The following CRYBG3 variants were observed in gnomAD, a reference collection of about 807,000 sequenced individuals.
CRYBG3 encodes the protein very large A-kinase anchor protein.
In CRYBG3, 127 loss-of-function variants were observed where a neutral mutation model predicts 244.2. That is an observed-to-expected ratio of 0.52 (90% CI 0.45 to 0.60). The LOEUF (loss-of-function observed/expected upper bound fraction) is 0.60, where lower values mean the gene tolerates loss of function less well. Ranked by LOEUF, CRYBG3 falls within the 20% of genes least tolerant of loss-of-function variation. CRYBG3 has a pLI of 0.00. For synonymous variants in CRYBG3, 1,132 were observed against 1,195.8 expected (o/e 0.95, Z 1.10); for missense variants, 3,325 against 3,442.5 (o/e 0.97, Z 0.85).
intron 1 of CRYBG3, among the ~76,000 whole-genome samples, chr3:97,841,288 G>A (rs989005740): frequency 1.3e-4 from 18 of 142,992 alleles, no homozygotes; most frequent in African/African-American, 3.4e-4. Context: ...ATATAGGTGC[G>A]TACACCTATA....
chr3:97,891,107 A>G (rs831899), intron 10 of CRYBG3, among the ~76,000 whole-genome samples: 110,168 of 152,068 alleles, frequency 0.72, 41,502 homozygotes, highest in East Asian at 0.85. Flanking sequence ...AGCAGTTAGC[A>G]TTGTAAGAAA....
rs182548810 is a variant in CRYBG3, at chr3:97,863,579, C to T, written c.217-638C>T. Among the ~76,000 whole-genome samples the T allele has an allele frequency of 8.1e-4, 123 of 152,168 alleles. 1 individual carries two copies. In the East Asian group the frequency reaches 0.022, roughly 28 times the overall value. The stretch of plus-strand genomic sequence containing the variant: ...AAGTACCATGTTACTGTCTTTTCCT[C>T]ATCTTCTTGAATAATGTTTCATATT... On this transcript the variant is annotated intron_variant, in intron 2 of 21. Transcript: ENST00000389622.
intron 15 of CRYBG3, 32 bp from the exon 16 acceptor site, chr3:97,912,135 T>C: frequency 1.7e-6 from 2 of 1,199,830 alleles, no homozygotes; most frequent in Non-Finnish European, 2.4e-6. Flanking sequence ...CCATTTTTTT[T>C]CTATTTAACT....
At chr3:97,904,063 A>G (rs759069506) in intron 15 of CRYBG3, among the ~76,000 whole-genome samples, 98 of 152,268 alleles carry the variant, frequency 6.4e-4, no homozygotes, top group Non-Finnish European at 1.2e-3. Context: ...GGTAGCCAAC[A>G]TGGTCATTTA....
rs544621044 is a variant in CRYBG3 at position 97,881,731 on chromosome 3, A to G, written c.7152+512A>G. Among the ~76,000 whole-genome samples, 44 of 152,060 alleles carry G rather than the reference A, an allele frequency of 2.9e-4. No individual in the cohort carries two copies. In the East Asian group the frequency reaches 6.4e-3, roughly 22 times the overall value. ...ATTCAGTCTCAAAAAGTAATAATAA[A>G]TAAACATATAAAATGTTACATGATG... On this transcript the variant is annotated intron_variant, in intron 7 of 21. Transcript: ENST00000389622.
At chr3:97,827,302 T>C (rs1364377596) in intron 1 of CRYBG3, among the ~76,000 whole-genome samples, 1 of 152,194 alleles carries the variant, frequency 6.6e-6, no homozygotes, top group Non-Finnish European at 1.5e-5. Context: ...TTAAAGGACT[T>C]ATTAGTAACA....
chr3:97,887,285 T>A (rs1012687716), intron 8 of CRYBG3, among the ~76,000 whole-genome samples: 1 of 152,186 alleles, frequency 6.6e-6, no homozygotes, highest in Non-Finnish European at 1.5e-5. Flanking sequence ...TGGGTCTAAG[T>A]TCAGTCTTAG....
chr3:97,943,154 C>A, intron 21 of CRYBG3, 72 bp from the exon 22 acceptor site: 1 of 817,900 alleles, frequency 1.2e-6, no homozygotes, highest in Non-Finnish European at 2.0e-6. Flanking sequence ...TGAACAGAAG[C>A]TTGTGAAAAT....
At chr3:97,871,819 A>G (rs1395522932) in intron 3 of CRYBG3, 23 bp from the exon 4 acceptor site, 2 of 1,433,306 alleles carry the variant, frequency 1.4e-6, no homozygotes, top group African/African-American at 1.4e-5. Context: ...ATTTCCTGAT[A>G]CTCTCATGCT....
rs1176415121 is a variant in CRYBG3, at chr3:97,877,707, T to C, written c.6513T>C (p.Val2171=). Residue 2171 remains valine, a synonymous_variant, in exon 4 of 22, where the codon GTT becomes GTC. Transcript: ENST00000389622. ...TGAGAGCTGGAAGTGGGGAGCGTGT[T>C]ACCTTCCAGTTGCCAGATCCTTCCA... The part of the protein sequence containing the change: ...GDLRAGSGER[V]TFQLPDPSIT... The C allele has an allele frequency of 2.5e-6, 4 of 1,614,052 alleles. No individual in the cohort carries two copies. The highest frequency in any genetic ancestry group is 2.2e-5 in the East Asian group (1 of 44,868).
intron 1 of CRYBG3, among the ~76,000 whole-genome samples, chr3:97,829,982 G>T (rs1341015230): frequency 6.6e-6 from 1 of 152,104 alleles, no homozygotes; most frequent in South Asian, 2.1e-4. Flanking sequence ...ATGTTTTTCT[G>T]TTCTTGGTTT....
chr3:97,835,718 G>T (rs1263470126), intron 1 of CRYBG3, among the ~76,000 whole-genome samples: 3 of 152,028 alleles, frequency 2.0e-5, no homozygotes, highest in Non-Finnish European at 4.4e-5. Context: ...GATTTCAGTT[G>T]GGGGGGAGGT....
In CRYBG3 at chr3:97,880,924, T is replaced by C. The variant is rs1049520584; in HGVS notation, c.7005-148T>C. 4 of 540,846 alleles carry C rather than the reference T, an allele frequency of 7.4e-6. No homozygotes were observed. In the Admixed American group the frequency reaches 1.5e-4, roughly 21 times the overall value. The allele number at this position is 540,846 out of a possible 1,614,324, so 33.5% of individuals were successfully genotyped here. ...GTTCGCCTGTACTTAAATTAGCATA[T>C]ATCATTGTTTCAAAAAATAGGGTTA... On this transcript the variant is annotated intron_variant, in intron 6 of 21. Transcript: ENST00000389622.
chr3:97,832,669 C>G (rs1215732734), intron 1 of CRYBG3, among the ~76,000 whole-genome samples: 2 of 152,080 alleles, frequency 1.3e-5, no homozygotes, highest in Non-Finnish European at 2.9e-5. Flanking sequence ...ACAAAGACTT[C>G]CTGACTAAAA....
intron 2 of CRYBG3, among the ~76,000 whole-genome samples, chr3:97,863,749 C>CT (rs1240097629): frequency 6.6e-6 from 1 of 152,104 alleles, no homozygotes; most frequent in Non-Finnish European, 1.5e-5. Flanking sequence ...ACTGTGGTCT[C>CT]TTTACGTCTC....
intron 1 of CRYBG3, among the ~76,000 whole-genome samples, chr3:97,831,951 C>T (rs2038659694): frequency 6.6e-6 from 1 of 151,758 alleles, no homozygotes; most frequent in Admixed American, 6.6e-5. Context: ...AACATGTGTT[C>T]ACCTATATGC....
intron 1 of CRYBG3, among the ~76,000 whole-genome samples, chr3:97,828,127 G>C (rs1322466462): frequency 6.6e-6 from 1 of 152,140 alleles, no homozygotes; most frequent in African/African-American, 2.4e-5. Flanking sequence ...ACCATAGCAA[G>C]ATACCATATT....
Position 97,876,906 on chromosome 3 carries a change from T to C in CRYBG3, c.5712T>C (p.Val1904=). The change falls in exon 4 of 22, where the codon GTT becomes GTC. Residue 1904 remains valine (V), a synonymous_variant. Transcript: ENST00000389622. The stretch of plus-strand genomic sequence containing the variant: ...CACAAGAGTATGCTGAAGGGAGTGT[T>C]GAAGAAACAAAGGAAGAGCCTACAG... ...KTPQEYAEGS[V]EETKEEPTEI... 3.5e-6 allele frequency: 5 copies of C among 1,445,754 alleles called. No homozygotes were observed. Among genetic ancestry groups the C allele is most frequent in the Non-Finnish European group, 4.5e-6 (5 of 1,099,096 alleles). 89.6% of individuals were successfully genotyped at this position (1,445,754 alleles called of 1,614,324 possible).
At chr3:97,863,244 TTACG>T (rs1193142947) in intron 2 of CRYBG3, among the ~76,000 whole-genome samples, 3 of 152,094 alleles carry the variant, frequency 2.0e-5, no homozygotes, top group Non-Finnish European at 4.4e-5. Flanking sequence ...CTTTTTACAA[TTACG>T]TAAGTGAGCA....
Sources: allele counts gnomAD v4.1 joint callset (sites outside exome capture counted in the v4.1 genomes callset), GRCh38; gene constraint gnomAD v4.1.1; transcripts MANE v1.5; gene names NCBI Gene and HGNC (gene_info 2026-07-23, HGNC 2026-07-21).